Variants in LCP1 observed in about 807,000 individuals in gnomAD.
LCP1 encodes the protein lymphocyte cytosolic protein 1.
Under a neutral mutation model 72.0 loss-of-function variants are expected in LCP1, and 23 were observed. The observed-to-expected ratio is 0.32, with a 90% CI of 0.23 to 0.45. LCP1 has a LOEUF of 0.45. Ranked by LOEUF, LCP1 falls within the 20% of genes least tolerant of loss-of-function variation. The pLI, the probability that LCP1 is intolerant of heterozygous loss-of-function variation, is 1.00. For missense variants in LCP1, 571 were observed against 748.3 expected (o/e 0.76, Z 2.76); for synonymous variants, 245 against 275.4 (o/e 0.89, Z 1.09).
At chr13:46,181,217 G>T (rs1167832381) in intron 1 of LCP1, among the ~76,000 whole-genome samples, 1 of 152,204 alleles carries the variant, frequency 6.6e-6, no homozygotes, top group African/African-American at 2.4e-5. Context: ...CGCATTTCCA[G>T]TCTGAATGGC....
chr13:46,149,359 C>T (rs901532985), intron 8 of LCP1, among the ~76,000 whole-genome samples: 2 of 152,076 alleles, frequency 1.3e-5, no homozygotes, highest in African/African-American at 2.4e-5. Context: ...TCTTCATCTC[C>T]CTTCTATCTA....
At chr13:46,164,684 A>G (rs1035391308) in intron 1 of LCP1, among the ~76,000 whole-genome samples, 2 of 152,244 alleles carry the variant, frequency 1.3e-5, no homozygotes, top group Admixed American at 6.5e-5. Context: ...GGGCAGAAAC[A>G]TGAATAGATA....
intron 1 of LCP1, among the ~76,000 whole-genome samples, chr13:46,178,279 C>G (rs775451911): frequency 6.6e-6 from 1 of 152,114 alleles, no homozygotes; most frequent in Non-Finnish European, 1.5e-5. Flanking sequence ...CACTCCCCCC[C>G]ATCCCCCACC....
chr13:46,166,881 T>C (rs2045879385), intron 1 of LCP1, among the ~76,000 whole-genome samples: 2 of 152,236 alleles, frequency 1.3e-5, no homozygotes, highest in South Asian at 4.1e-4. Flanking sequence ...ATCATATCTC[T>C]ATGGATACAG....
intron 15 of LCP1, among the ~76,000 whole-genome samples, chr13:46,128,131 A>G (rs2045611115): frequency 1.3e-5 from 2 of 151,698 alleles, no homozygotes; most frequent in South Asian, 4.1e-4. Flanking sequence ...GTGAGCCACT[A>G]CAGCACGTGC....
rs890660974 is a variant in LCP1 at position 46,151,095 on chromosome 13, A to G, written c.740-17T>C. 37 of 1,597,392 alleles carry G rather than the reference A, an allele frequency of 2.3e-5. No individual in the cohort carries two copies. Among genetic ancestry groups the G allele is most frequent in the Non-Finnish European group, 3.0e-5 (35 of 1,174,264 alleles). On this transcript the variant is annotated splice_polypyrimidine_tract_variant and intron_variant, in intron 7 of 15. Transcript: ENST00000323076. ...CAATCAGAGCTGAAGAAGCACAAAA[A>G]CCACAGAAAAATAAATGCAGCGATG...
chr13:46,174,968 A>T (rs946009904), intron 1 of LCP1, among the ~76,000 whole-genome samples: 4 of 152,212 alleles, frequency 2.6e-5, no homozygotes, highest in Non-Finnish European at 5.9e-5. Context: ...AAGATACAAA[A>T]CAGTTTAAAT....
intron 1 of LCP1, among the ~76,000 whole-genome samples, chr13:46,172,964 G>A (rs934321496): frequency 2.0e-5 from 3 of 152,140 alleles, no homozygotes; most frequent in African/African-American, 4.8e-5. Flanking sequence ...TAGTTTGGTC[G>A]AAGCAATGCG....
intron 1 of LCP1, among the ~76,000 whole-genome samples, chr13:46,180,918 T>A (rs1188103336): frequency 6.6e-6 from 1 of 152,232 alleles, no homozygotes; most frequent in Non-Finnish European, 1.5e-5. Context: ...TTGAAACTAT[T>A]CAGGTGAGAT....
In LCP1 at chr13:46,146,992, A is replaced by G. The variant is rs1593950431; in HGVS notation, c.1090T>C (p.Leu364=). Residue 364 remains leucine, a synonymous_variant, in exon 10 of 16, where the codon TTG becomes CTG. Coordinates refer to ENST00000323076, the MANE Select transcript of LCP1 (RefSeq NM_002298.5). ...DVVRGNPKLN[L]AFIANLFNRY... is the part of the protein sequence containing the mutation. ...TTAAAGAGGTTGGCAATAAAAGCCAAGTTCAACTTGGGGTTCCCTCGGACA... is the reference window on the plus strand; with the variant it reads ...TTAAAGAGGTTGGCAATAAAAGCCAGGTTCAACTTGGGGTTCCCTCGGACA... 2 of 1,614,106 alleles carry G rather than the reference A, an allele frequency of 1.2e-6. No individual in the cohort carries two copies. Among genetic ancestry groups the G allele is most frequent in the South Asian group, 2.2e-5 (2 of 91,066 alleles).
chr13:46,151,166 A>G, intron 7 of LCP1, 88 bp from the exon 8 acceptor site: 2 of 1,357,186 alleles, frequency 1.5e-6, no homozygotes. Flanking sequence ...CTCTGCTAAA[A>G]AGCTAAAGAT....
chr13:46,158,074 T>C (rs1426335650), intron 4 of LCP1, among the ~76,000 whole-genome samples: 1 of 152,196 alleles, frequency 6.6e-6, no homozygotes, highest in East Asian at 1.9e-4. Flanking sequence ...TAATTCAGTT[T>C]TGGAAATGTT....
In LCP1 at chr13:46,155,761, A is replaced by G. The variant is rs796839181; in HGVS notation, c.491+677T>C. ...CCATATTTAGAGGCCTCCCGTGGGT[A>G]GGATGCAGTCCCCCTTTTCCAGGTG... On this transcript the variant is annotated intron_variant, in intron 5 of 15. Coordinates refer to ENST00000323076, the MANE Select transcript of LCP1 (RefSeq NM_002298.5). Among the ~76,000 whole-genome samples, 6 of 152,342 alleles carry G rather than the reference A, an allele frequency of 3.9e-5. 1 individual carries two copies. The highest frequency in any genetic ancestry group is 1.2e-4 in the African/African-American group (5 of 41,580).
chr13:46,154,359 C>T (rs1444113975), intron 6 of LCP1, among the ~76,000 whole-genome samples: 1 of 152,150 alleles, frequency 6.6e-6, no homozygotes, highest in Non-Finnish European at 1.5e-5. Flanking sequence ...TCCAGTTAAT[C>T]AACAAATTGA....
intron 1 of LCP1, among the ~76,000 whole-genome samples, chr13:46,180,005 C>T (rs1016685506): frequency 1.3e-5 from 2 of 152,066 alleles, no homozygotes; most frequent in Admixed American, 6.5e-5. Context: ...CTTGCTCTCT[C>T]TCTTTTATTC....
Position 46,127,732 on chromosome 13 carries a change from G to T in LCP1, c.1752-9C>A. 1 of 1,614,064 alleles carries T rather than the reference G, an allele frequency of 6.2e-7. No homozygotes were observed. Among genetic ancestry groups the T allele is most frequent in the Non-Finnish European group, 8.5e-7 (1 of 1,179,990 alleles). On this transcript the variant is annotated splice_polypyrimidine_tract_variant and intron_variant, in intron 15 of 15. Coordinates refer to ENST00000323076, the MANE Select transcript of LCP1 (RefSeq NM_002298.5). Reference sequence around the variant, plus strand: ...CCATAGAGATGGCATATCTAAAAGGGAGAAAAGAGGAAAAATAAGGAGAGC... The same window carrying T: ...CCATAGAGATGGCATATCTAAAAGGTAGAAAAGAGGAAAAATAAGGAGAGC...
At chr13:46,141,183 G>A (rs751589426) in intron 13 of LCP1, among the ~76,000 whole-genome samples, 1 of 151,970 alleles carries the variant, frequency 6.6e-6, no homozygotes, top group Non-Finnish European at 1.5e-5. Flanking sequence ...TGAGGCACTC[G>A]GATCATTAGG....
intron 1 of LCP1, among the ~76,000 whole-genome samples, chr13:46,178,093 T>C (rs1593968336): frequency 1.3e-5 from 2 of 152,042 alleles, no homozygotes; most frequent in African/African-American, 4.8e-5. Context: ...TTGTAGAAAA[T>C]TAAATAAAAT....
At chr13:46,131,447 G>A (rs1474762502) in intron 14 of LCP1, among the ~76,000 whole-genome samples, 2 of 152,182 alleles carry the variant, frequency 1.3e-5, no homozygotes, top group Non-Finnish European at 2.9e-5. Flanking sequence ...GCAGTTTGGA[G>A]TTTTCTCAAA....
Sources: allele counts gnomAD v4.1 joint callset (sites outside exome capture counted in the v4.1 genomes callset), GRCh38; gene constraint gnomAD v4.1.1; transcripts MANE v1.5; gene names NCBI Gene and HGNC (gene_info 2026-07-23, HGNC 2026-07-21).